PRIM2: variants seen among roughly 807,000 people sequenced by gnomAD.
PRIM2 encodes DNA primase large subunit.
In PRIM2, 39 loss-of-function variants were observed where a neutral mutation model predicts 67.3. The ratio of observed to expected loss-of-function variants is 0.58; its 90% CI spans 0.45 to 0.76. The LOEUF is 0.76. PRIM2 is among the 30% of genes least tolerant of loss of function. PRIM2 has a pLI of 0.00. For missense variants in PRIM2, 398 were observed against 598.7 expected, an observed-to-expected ratio of 0.66 and a Z score of 3.50; for synonymous variants, 143 against 198.7, an observed-to-expected ratio of 0.72 and a Z score of 2.36.
the PRIM2 span, among the ~76,000 whole-genome samples, chr6:57,282,427 A>C: frequency 6.6e-6 from 1 of 152,112 alleles, no homozygotes; most frequent in Non-Finnish European, 1.5e-5. Context: ...AAATGGTTCT[A>C]CCCAGTAACC....
At chr6:57,332,122 A>G (rs1160407156) in intron 5 of PRIM2, among the ~76,000 whole-genome samples, 1 of 151,940 alleles carries the variant, frequency 6.6e-6, no homozygotes, top group Non-Finnish European at 1.5e-5. Flanking sequence ...ATTTCAAAGT[A>G]TTCTTTTTTA....
At chr6:57,630,955 C>T (rs1166962157) in intron 12 of PRIM2, among the ~76,000 whole-genome samples, 1 of 152,160 alleles carries the variant, frequency 6.6e-6, no homozygotes, top group Non-Finnish European at 1.5e-5. Context: ...GATAGTCAGA[C>T]TGGCAGAAAC....
At chr6:57,430,443 C>CTTTTT (rs1771780891) in intron 7 of PRIM2, among the ~76,000 whole-genome samples, 1 of 106,414 alleles carries the variant, frequency 9.4e-6, no homozygotes, top group Admixed American at 1.0e-4. Flanking sequence ...GAGTTTCTTT[C>CTTTTT]TTTGTTTTTT....
chr6:57,346,561 G>A (rs964625902), intron 5 of PRIM2, among the ~76,000 whole-genome samples: 4 of 152,018 alleles, frequency 2.6e-5, no homozygotes, highest in East Asian at 3.9e-4. Context: ...CTTGTGACCC[G>A]CCTACCTCGG....
At chr6:57,253,535 G>A in the PRIM2 span, among the ~76,000 whole-genome samples, 6 of 151,950 alleles carry the variant, frequency 3.9e-5, no homozygotes, top group East Asian at 9.7e-4. Flanking sequence ...GTTGTGCAGA[G>A]GGCTGCTCCC....
chr6:57,553,620 C>T (rs1255968088), intron 10 of PRIM2, among the ~76,000 whole-genome samples: 1 of 151,542 alleles, frequency 6.6e-6, no homozygotes, highest in Non-Finnish European at 1.5e-5. Flanking sequence ...ACTTTCGTTG[C>T]CCTTCTTGTT....
At chr6:57,532,550 A>G (rs1774914477) in intron 9 of PRIM2, 67 bp downstream of exon 9, 3 of 754,228 alleles carry the variant, frequency 4.0e-6, no homozygotes, top group Admixed American at 3.1e-5. Context: ...TCTTAAATCA[A>G]AGACTTTTGG....
At chr6:57,628,094 A>C (rs1417509773) in intron 12 of PRIM2, among the ~76,000 whole-genome samples, 1 of 152,230 alleles carries the variant, frequency 6.6e-6, no homozygotes, top group African/African-American at 2.4e-5. Context: ...GTGCTCATTG[A>C]AACATCTTTT....
intron 7 of PRIM2, among the ~76,000 whole-genome samples, chr6:57,418,124 A>G (rs1356704929): frequency 2.0e-5 from 3 of 152,172 alleles, no homozygotes; most frequent in Non-Finnish European, 4.4e-5. Flanking sequence ...AAGGGAGAAT[A>G]GGAGGTACTT....
rs1190773293 is a variant in PRIM2, at chr6:57,530,185, A to G, written c.762-2226A>G. ...TGTGTGTGCTATGGAAGACATATGC[A>G]TGGAAAACATCCAGAAAGTAAGTGG... On this transcript the variant is annotated intron_variant, in intron 8 of 13. Transcript: ENST00000615550. Among the ~76,000 whole-genome samples the G allele has an allele frequency of 3.3e-5, 5 of 152,360 alleles. No individual in the cohort carries two copies. In the East Asian group the frequency reaches 9.6e-4, roughly 29 times the overall value.
intron 12 of PRIM2, among the ~76,000 whole-genome samples, chr6:57,627,279 C>CAAAAAAAAAAAAAAAA (rs1158722297): frequency 8.2e-5 from 2 of 24,536 alleles, no homozygotes; most frequent in African/African-American, 1.2e-4. Context: ...GACTCTGTCT[C>CAAAAAAAAAAAAAAAA]AAAAAAAAAA....
chr6:57,490,999 A>G (rs1773875846), intron 7 of PRIM2, among the ~76,000 whole-genome samples: 1 of 152,222 alleles, frequency 6.6e-6, no homozygotes, highest in Admixed American at 6.5e-5. Context: ...AAGGGAGAAA[A>G]GAATTTGAAG....
chr6:57,328,195 A>G (rs1306573015), intron 5 of PRIM2, among the ~76,000 whole-genome samples: 1 of 152,214 alleles, frequency 6.6e-6, no homozygotes, highest in Non-Finnish European at 1.5e-5. Context: ...TAATAGATTT[A>G]TTGAGCTAGA....
At chr6:57,542,938 G>GTTTTTTTTTTTTT (rs1581980392) in intron 10 of PRIM2, among the ~76,000 whole-genome samples, 4 of 56,864 alleles carry the variant, frequency 7.0e-5, no homozygotes, top group South Asian at 3.9e-4. Context: ...CTGCTTATAG[G>GTTTTTTTTTTTTT]ATTTTTTTTT....
intron 7 of PRIM2, among the ~76,000 whole-genome samples, chr6:57,438,049 C>A (rs1772070899): frequency 7.7e-6 from 1 of 130,652 alleles, no homozygotes; most frequent in Non-Finnish European, 1.7e-5. Flanking sequence ...TTTTTCCCAA[C>A]AACATTTTAA....
At chr6:57,330,270 G>A (rs1768006938) in intron 5 of PRIM2, among the ~76,000 whole-genome samples, 1 of 149,150 alleles carries the variant, frequency 6.7e-6, no homozygotes, top group African/African-American at 2.5e-5. Context: ...TTTCATTTTT[G>A]GAATGTTCAT....
intron 13 of PRIM2, among the ~76,000 whole-genome samples, chr6:57,637,204 A>G (rs1320575584): frequency 6.6e-6 from 1 of 152,100 alleles, no homozygotes; most frequent in African/African-American, 2.4e-5. Flanking sequence ...AGAAAGGAAT[A>G]CCTTCAACAT....
chr6:57,635,236 T>C (rs1309752234), intron 13 of PRIM2, among the ~76,000 whole-genome samples: 2 of 152,230 alleles, frequency 1.3e-5, no homozygotes, highest in Admixed American at 6.5e-5. Flanking sequence ...AAATATCCCA[T>C]AGGTAAAACA....
chr6:57,563,472 T>C, intron 10 of PRIM2, among the ~76,000 whole-genome samples: 1 of 152,102 alleles, frequency 6.6e-6, no homozygotes, highest in Non-Finnish European at 1.5e-5. Context: ...TAATTCTTTC[T>C]GGTTATTTTC....
Sources: gnomAD v4.1 joint callset for allele counts (sites outside exome capture counted in the v4.1 genomes callset) on GRCh38, gnomAD v4.1.1 for gene constraint, MANE v1.5 for transcripts, NCBI Gene and HGNC (gene_info 2026-07-23, HGNC 2026-07-21) for gene names.